KANK1: variants seen among roughly 807,000 people sequenced by gnomAD.
KANK1 encodes the protein KN motif and ankyrin repeat domain-containing protein 1.
KANK1 carries 109 observed loss-of-function variants against 106.2 expected under a neutral mutation model. That is an observed-to-expected ratio of 1.03 (90% CI 0.88 to 1.20). The LOEUF (loss-of-function observed/expected upper bound fraction) is 1.20. Ranked by LOEUF, KANK1 falls within the 50% of genes most tolerant of loss-of-function variation. The pLI is 0.00. For synonymous variants in KANK1, 873 were observed against 652.2 expected, an observed-to-expected ratio of 1.34 and a Z score of -5.16; for missense variants, 2,399 against 1,710.7, an observed-to-expected ratio of 1.40 and a Z score of -7.10.
chr9:600,257 C>G (rs117199898), intron 1 of KANK1, among the ~76,000 whole-genome samples: 1 of 151,676 alleles, frequency 6.6e-6, no homozygotes, highest in African/African-American at 2.4e-5. Flanking sequence ...TTTGACTATT[C>G]TAGGTACCTC....
At position 730,023 on chromosome 9, in the gene KANK1, C is replaced by T. The variant is rs369766943; in HGVS notation, c.2699-28C>T. 95 of 1,596,500 alleles carry T rather than the reference C, an allele frequency of 6.0e-5. 1 individual carries two copies. The highest frequency in any genetic ancestry group is 5.8e-4 in the East Asian group (26 of 44,726). ...CTGCTTTTTCAGTCCTAGCATCACA[C>T]ACTCTGTACCTTTCTTTTTCCTGAT... On this transcript the variant is annotated intron_variant, in intron 3 of 11. Transcript: ENST00000382297.
intron 1 of KANK1, 25 bp downstream of exon 1, chr9:504,779 C>CGTGCCGCGCCCCGTGCCGCGCT (rs2058657119): frequency 7.1e-6 from 1 of 140,820 alleles, no homozygotes; most frequent in Non-Finnish European, 1.5e-5. Flanking sequence ...GGGGCCGTGC[C>CGTGCCGCGCCCCGTGCCGCGCT]GCGCCCCGTG....
intron 1 of KANK1, among the ~76,000 whole-genome samples, chr9:608,949 A>G (rs960288605): frequency 6.6e-6 from 1 of 152,172 alleles, no homozygotes; most frequent in Non-Finnish European, 1.5e-5. Context: ...GAAATAACAC[A>G]TGGGCGTATA....
At chr9:558,948 T>C (rs1815633975) in intron 1 of KANK1, 1 of 152,206 alleles carries the variant, frequency 6.6e-6, no homozygotes, top group African/African-American at 2.4e-5. Context: ...AAAAAAATTT[T>C]GGTTCTCTCC....
chr9:734,828 A>G lies in KANK1; in HGVS notation c.3326A>G (p.Lys1109Arg), dbSNP rs771190376. The G allele has an allele frequency of 6.2e-7, 1 of 1,612,258 alleles. No homozygotes were observed. Among genetic ancestry groups the G allele is most frequent in the Admixed American group, 1.7e-5 (1 of 60,028 alleles). Residue 1109 changes from lysine (K) to arginine (R), a missense_variant, in exon 7 of 12, where the codon AAA becomes AGA. Physicochemically the swap from Lys to Arg is conservative, Grantham distance 26. Transcript: ENST00000382297. ...TINDPKALTS[K>R]DMRFCLNTLQ... ...AATGACCCCAAAGCTTTGACCAGCAAAGATATGGTGAGTCTGACCTGCAAA... is the reference window on the plus strand; with the variant it reads ...AATGACCCCAAAGCTTTGACCAGCAGAGATATGGTGAGTCTGACCTGCAAA...
chr9:537,925 T>G (rs2060387703), intron 1 of KANK1, among the ~76,000 whole-genome samples: 1 of 152,234 alleles, frequency 6.6e-6, no homozygotes, highest in African/African-American at 2.4e-5. Flanking sequence ...TTTAATTTCT[T>G]TGAGGATAGG....
In KANK1 at chr9:530,595, T is replaced by C. The variant is rs73369092; in HGVS notation, c.-84+25841T>C. ...GCTATTCATGTTTTAGTTGTGACAC[T>C]ATTCTAATTGTTAAGAATATGTTTG... On this transcript the variant is annotated intron_variant, in intron 1 of 11. Coordinates refer to ENST00000382297, the MANE Select transcript of KANK1 (RefSeq NM_015158.5). Among the ~76,000 whole-genome samples the C allele has an allele frequency of 6.9e-3, 1,044 of 152,354 alleles. 18 individuals carry two copies. Among genetic ancestry groups the C allele is most frequent in the African/African-American group, 0.023 (948 of 41,574 alleles).
rs1969985 is a variant in KANK1 at position 473,986 on chromosome 9, G to T, written c.-362+713G>T. ...GTTCTGGGATTATAGGTGTGAGCCA[G>T]TGTGCCAGCCAAGAATTAATTTCAA... On this transcript the variant is annotated intron_variant, in intron 3 of 15. Transcript: ENST00000382303. 5.6e-4 allele frequency among the ~76,000 whole-genome samples: 85 copies of T among 152,196 alleles called. No individual in the cohort carries two copies. The Middle Eastern group carries it at 0.014, about 24-fold the overall frequency.
intron 1 of KANK1, among the ~76,000 whole-genome samples, chr9:600,686 C>T (rs549839509): frequency 4.0e-4 from 61 of 151,800 alleles, no homozygotes; most frequent in Middle Eastern, 3.4e-3. Flanking sequence ...ACCTCATGCC[C>T]AACATAACTT....
In KANK1 at chr9:712,023, C is replaced by T; in HGVS notation, c.1257C>T (p.Ser419=). The T allele has an allele frequency of 2.5e-6, 4 of 1,614,150 alleles. No individual in the cohort carries two copies. Among genetic ancestry groups the T allele is most frequent in the Non-Finnish European group, 3.4e-6 (4 of 1,180,032 alleles). Residue 419 remains serine, a synonymous_variant, in exon 3 of 12, where the codon TCC becomes TCT. Coordinates refer to ENST00000382297, the MANE Select transcript of KANK1 (RefSeq NM_015158.5). ...MNDIVVYHRG[S]RSCKDAAVGT... ...ACATCGTCGTGTACCACAGAGGCTC[C>T]AGGTCCTGTAAGGATGCAGCTGTAG...
At chr9:692,770 T>C (rs567211161) in intron 2 of KANK1, among the ~76,000 whole-genome samples, 1 of 151,982 alleles carries the variant, frequency 6.6e-6, no homozygotes, top group African/African-American at 2.4e-5. Flanking sequence ...ATCCCAGCAC[T>C]TTGGGAAGCC....
intron 1 of KANK1, among the ~76,000 whole-genome samples, chr9:564,583 T>C (rs1185869388): frequency 6.6e-6 from 1 of 152,206 alleles, no homozygotes; most frequent in Non-Finnish European, 1.5e-5. Flanking sequence ...TGTTTTAGCA[T>C]GTATTGATAA....
intron 1 of KANK1, among the ~76,000 whole-genome samples, chr9:604,478 G>C (rs1165758273): frequency 1.3e-5 from 2 of 151,730 alleles, no homozygotes; most frequent in Non-Finnish European, 2.9e-5. Context: ...GTCTCTCTCT[G>C]TCTCTCCTGC....
intron 1 of KANK1, among the ~76,000 whole-genome samples, chr9:637,641 C>G (rs1325807071): frequency 6.6e-6 from 1 of 152,040 alleles, no homozygotes; most frequent in Non-Finnish European, 1.5e-5. Flanking sequence ...GAACCACTGT[C>G]CTATGGGATC....
Position 729,758 on chromosome 9 carries a change from G to A in KANK1, c.2699-293G>A, listed in dbSNP as rs4742316. 0.072 allele frequency among the ~76,000 whole-genome samples: 10,898 copies of A among 152,196 alleles called. 975 individuals are homozygous for A. The highest frequency in any genetic ancestry group is 0.2 in the African/African-American group (8,126 of 41,476). ...TCTGAAGCATTGTGCCAGAGTGGAA[G>A]TAGTAATGGAAGAGGGGCAGTAAAA... On this transcript the variant is annotated intron_variant, in intron 3 of 11. Transcript: ENST00000382297.
At chr9:691,912 C>T (rs1820035504) in intron 2 of KANK1, among the ~76,000 whole-genome samples, 2 of 151,554 alleles carry the variant, frequency 1.3e-5, no homozygotes, top group Non-Finnish European at 2.9e-5. Context: ...CCACCATGCC[C>T]CCCAAAAAGG....
chr9:559,201 T>A (rs181143055), intron 1 of KANK1, among the ~76,000 whole-genome samples: 6 of 152,352 alleles, frequency 3.9e-5, no homozygotes, highest in African/African-American at 1.2e-4. Context: ...TCTTTTGGTT[T>A]TATAGATTTA....
chr9:536,659 C>T (rs868861007), intron 1 of KANK1, among the ~76,000 whole-genome samples: 3 of 151,462 alleles, frequency 2.0e-5, no homozygotes, highest in Admixed American at 6.5e-5. Context: ...TAAAAAGACT[C>T]ATTAGATTGG....
chr9:566,140 G>C (rs189360661), intron 1 of KANK1, among the ~76,000 whole-genome samples: 1 of 152,298 alleles, frequency 6.6e-6, no homozygotes, highest in Non-Finnish European at 1.5e-5. Flanking sequence ...TCCTGCGTTA[G>C]TTTGCTGTGG....
Sources: gnomAD v4.1 joint callset for allele counts (sites outside exome capture counted in the v4.1 genomes callset) on GRCh38, gnomAD v4.1.1 for gene constraint, MANE v1.5 for transcripts, NCBI Gene and HGNC (gene_info 2026-07-23, HGNC 2026-07-21) for gene names.